PKHD1: variants seen among roughly 807,000 people sequenced by gnomAD.
PKHD1 encodes the protein fibrocystin.
PKHD1 carries 291 observed loss-of-function variants against 412.0 expected under a neutral mutation model. That is an observed-to-expected ratio of 0.71 (90% CI 0.64 to 0.78). The LOEUF is 0.78. PKHD1 is among the 30% of genes least tolerant of loss of function. The probability of loss-of-function intolerance (pLI) is 0.00; values close to 1 mark genes in which losing one functional copy is unlikely to be tolerated. For synonymous variants in PKHD1, 1,777 were observed against 1,821.5 expected, an observed-to-expected ratio of 0.98 and a Z score of 0.62; for missense variants, 4,825 against 4,950.7, an observed-to-expected ratio of 0.97 and a Z score of 0.76.
chr6:52,027,571 G>A (rs1802406833), intron 31 of PKHD1, among the ~76,000 whole-genome samples: 6 of 129,230 alleles, frequency 4.6e-5, no homozygotes, highest in African/African-American at 8.6e-5. Context: ...AGAAGGAGAA[G>A]AAGAAAAAGA....
chr6:52,002,554 T>C (rs1480223064), intron 35 of PKHD1, among the ~76,000 whole-genome samples: 1 of 152,160 alleles, frequency 6.6e-6, no homozygotes, highest in Non-Finnish European at 1.5e-5. Flanking sequence ...GGTCAATGGT[T>C]GAGTTTCTAT....
intron 66 of PKHD1, among the ~76,000 whole-genome samples, chr6:51,623,640 G>A (rs185191387): frequency 2.6e-4 from 39 of 152,162 alleles, no homozygotes; most frequent in Non-Finnish European, 4.7e-4. Context: ...CTGGAATGCA[G>A]TGGCATGATC....
intron 60 of PKHD1, among the ~76,000 whole-genome samples, chr6:51,737,727 AGT>A (rs58089479): frequency 0.34 from 50,320 of 149,458 alleles, 9,651 homozygotes; most frequent in African/African-American, 0.54. Flanking sequence ...TGTGTGTGTG[AGT>A]GTGTGTGTGT....
At chr6:51,847,284 G>T (rs1771350890) in intron 50 of PKHD1, among the ~76,000 whole-genome samples, 1 of 121,606 alleles carries the variant, frequency 8.2e-6, no homozygotes, top group African/African-American at 3.7e-5. Flanking sequence ...TTTTTTTTTG[G>T]AGAGATGGGG....
At chr6:51,666,544 T>C (rs979452239) in intron 60 of PKHD1, among the ~76,000 whole-genome samples, 3 of 151,516 alleles carry the variant, frequency 2.0e-5, no homozygotes, top group African/African-American at 7.3e-5. Context: ...TGTTTATAAT[T>C]TTTTTTTAAA....
intron 14 of PKHD1, among the ~76,000 whole-genome samples, chr6:52,061,778 T>C (rs1808717952): frequency 6.6e-6 from 1 of 152,126 alleles, no homozygotes; most frequent in South Asian, 2.1e-4. Flanking sequence ...TCATCCTCTC[T>C]AAGAAGGATT....
chr6:52,056,630 T>C, intron 18 of PKHD1, 68 bp downstream of exon 18: 3 of 1,175,698 alleles, frequency 2.6e-6, no homozygotes, highest in Non-Finnish European at 3.8e-6. Flanking sequence ...ATGGGGATTG[T>C]TCTCATTTTA....
intron 7 of PKHD1, among the ~76,000 whole-genome samples, chr6:52,072,523 G>A (rs545771154): frequency 1.1e-4 from 17 of 152,280 alleles, no homozygotes; most frequent in South Asian, 8.3e-4. Context: ...CCCAGACCAA[G>A]GCTGAGATGG....
chr6:52,062,711 T>C (rs1263784746), intron 13 of PKHD1, 51 bp from the exon 14 acceptor site: 3 of 1,609,666 alleles, frequency 1.9e-6, no homozygotes, highest in Non-Finnish European at 2.5e-6. Context: ...CTTCCCAAAT[T>C]GGGGAATTAC....
At chr6:51,871,582 C>A (rs1775995650) in intron 46 of PKHD1, among the ~76,000 whole-genome samples, 1 of 118,424 alleles carries the variant, frequency 8.4e-6, no homozygotes, top group South Asian at 2.6e-4. Flanking sequence ...TGTTCTGTGT[C>A]TTGATTGTCG....
intron 53 of PKHD1, among the ~76,000 whole-genome samples, chr6:51,783,524 G>C (rs1792373089): frequency 6.6e-6 from 1 of 151,492 alleles, no homozygotes; most frequent in Admixed American, 6.6e-5. Context: ...TATTAAAACA[G>C]TCTTTATTGA....
At chr6:51,992,394 G>C (rs2128074453) in intron 35 of PKHD1, among the ~76,000 whole-genome samples, 1 of 152,244 alleles carries the variant, frequency 6.6e-6, no homozygotes, top group Middle Eastern at 3.4e-3. Flanking sequence ...TTTAATGTTT[G>C]AAAAGTATCA....
At chr6:51,891,712 AACACACACACAC>A (rs58262423) in intron 43 of PKHD1, among the ~76,000 whole-genome samples, 35 of 143,842 alleles carry the variant, frequency 2.4e-4, no homozygotes, top group Middle Eastern at 3.5e-3. Context: ...TTCCACAAGG[AACACACACACAC>A]ACACACACAC....
intron 37 of PKHD1, among the ~76,000 whole-genome samples, chr6:51,931,254 G>A (rs1003570199): frequency 2.6e-5 from 4 of 152,120 alleles, no homozygotes; most frequent in African/African-American, 7.2e-5. Context: ...TCTTCTGTGC[G>A]CCAAAGTTGG....
rs1244770358 is a variant in PKHD1 at position 51,898,839 on chromosome 6, C to T, written c.6996+4758G>A. Among the ~76,000 whole-genome samples the T allele has an allele frequency of 6.6e-5, 10 of 151,596 alleles. 1 individual carries two copies. The South Asian group carries it at 1.7e-3, about 26-fold the overall frequency. ...TAAAAAATGATAAAGGGGATATCAC[C>T]ACCGATCCCACAGAAATACAAACTA... On this transcript the variant is annotated intron_variant, in intron 43 of 66. Coordinates refer to ENST00000371117, the MANE Select transcript of PKHD1 (RefSeq NM_138694.4).
At chr6:51,640,184 A>G (rs1457329119) in intron 63 of PKHD1, among the ~76,000 whole-genome samples, 1 of 152,242 alleles carries the variant, frequency 6.6e-6, no homozygotes, top group Non-Finnish European at 1.5e-5. Flanking sequence ...CATTTGCTGC[A>G]GTTTTTCCTT....
At chr6:51,816,630 G>C (rs906918786) in intron 52 of PKHD1, among the ~76,000 whole-genome samples, 2 of 152,206 alleles carry the variant, frequency 1.3e-5, no homozygotes, top group Non-Finnish European at 2.9e-5. Flanking sequence ...ACCTACTCTT[G>C]TGCCAATCAC....
chr6:52,033,258 A>C (rs994984868), intron 28 of PKHD1, 93 bp from the exon 29 acceptor site: 3 of 1,045,994 alleles, frequency 2.9e-6, no homozygotes, highest in South Asian at 2.6e-5. Flanking sequence ...TAGTTTTAAA[A>C]GTTAATTTTA....
chr6:52,018,134 A>G (rs1033022688), intron 33 of PKHD1, among the ~76,000 whole-genome samples: 2 of 152,206 alleles, frequency 1.3e-5, no homozygotes, highest in South Asian at 4.1e-4. Context: ...TTGTTAATAC[A>G]TTTTCACTGC....
Sources: gnomAD v4.1 joint callset for allele counts (sites outside exome capture counted in the v4.1 genomes callset) on GRCh38, gnomAD v4.1.1 for gene constraint, MANE v1.5 for transcripts, NCBI Gene and HGNC (gene_info 2026-07-23, HGNC 2026-07-21) for gene names.